VWA8: variants seen among roughly 807,000 people sequenced by gnomAD.
The protein encoded by VWA8 is von Willebrand factor A domain containing 8.
VWA8 carries 221 observed loss-of-function variants against 241.5 expected under a neutral mutation model. The observed-to-expected ratio is 0.91, with a 90% CI of 0.82 to 1.02. VWA8 has a LOEUF of 1.02. VWA8 is among the 50% of genes least tolerant of loss of function. The probability of loss-of-function intolerance (pLI) is 0.00; values close to 1 mark genes in which losing one functional copy is unlikely to be tolerated. For synonymous variants in VWA8, 852 were observed against 827.1 expected, an observed-to-expected ratio of 1.03 and a Z score of -0.52; for missense variants, 2,322 against 2,328.7, an observed-to-expected ratio of 1.00 and a Z score of 0.06.
intron 2 of VWA8, among the ~76,000 whole-genome samples, chr13:41,947,985 T>C (rs1266593338): frequency 8.0e-6 from 1 of 125,676 alleles, no homozygotes; most frequent in Non-Finnish European, 1.7e-5. Flanking sequence ...TTCCTTGAAA[T>C]GTTAAACATA....
intron 29 of VWA8, among the ~76,000 whole-genome samples, chr13:41,698,029 T>C (rs190702709): frequency 1.4e-4 from 21 of 152,276 alleles, no homozygotes; most frequent in Non-Finnish European, 1.9e-4. Context: ...TTCACCTCTC[T>C]AAAATCTTTG....
At chr13:41,929,260 A>G (rs764396805) in intron 2 of VWA8, among the ~76,000 whole-genome samples, 3 of 151,724 alleles carry the variant, frequency 2.0e-5, no homozygotes, top group South Asian at 4.2e-4. Context: ...GGCTTAAGCA[A>G]TCCTCCCACC....
chr13:41,745,586 G>T (rs750144749), intron 21 of VWA8, among the ~76,000 whole-genome samples: 1 of 152,040 alleles, frequency 6.6e-6, no homozygotes, highest in Admixed American at 6.5e-5. Context: ...ACATTTATGC[G>T]GCCAACAGAC....
intron 23 of VWA8, 120 bp downstream of exon 23, chr13:41,729,422 T>G (rs1010502509): frequency 1.8e-5 from 18 of 977,762 alleles, no homozygotes; most frequent in Non-Finnish European, 2.4e-5. Context: ...TACAGGCAAC[T>G]TAAGTCATAT....
chr13:41,580,267 A>G (rs1009560040), intron 42 of VWA8, among the ~76,000 whole-genome samples: 3 of 152,178 alleles, frequency 2.0e-5, no homozygotes, highest in Non-Finnish European at 4.4e-5. Flanking sequence ...AATTGAATCA[A>G]TTCTGAATTC....
intron 37 of VWA8, among the ~76,000 whole-genome samples, chr13:41,647,967 C>T (rs906900593): frequency 1.3e-5 from 2 of 151,474 alleles, no homozygotes; most frequent in Admixed American, 6.6e-5. Flanking sequence ...CTAGCCTGGG[C>T]GAAGGAGCGA....
chr13:41,636,386 G>A (rs946366341), intron 37 of VWA8, among the ~76,000 whole-genome samples: 1 of 152,196 alleles, frequency 6.6e-6, no homozygotes, highest in Non-Finnish European at 1.5e-5. Flanking sequence ...GTAGAAAGCT[G>A]AAACTGGATC....
At chr13:41,733,237 A>G (rs911822352) in intron 21 of VWA8, among the ~76,000 whole-genome samples, 1 of 152,250 alleles carries the variant, frequency 6.6e-6, no homozygotes, top group Non-Finnish European at 1.5e-5. Flanking sequence ...ATAGCACTTG[A>G]CAATAAAATA....
chr13:41,589,266 T>C (rs1019716214), intron 41 of VWA8, among the ~76,000 whole-genome samples: 1 of 152,264 alleles, frequency 6.6e-6, no homozygotes, highest in African/African-American at 2.4e-5. Context: ...AAACTTTACA[T>C]ACTACAATTA....
chr13:41,830,078 T>TA (rs560135903), intron 14 of VWA8, among the ~76,000 whole-genome samples: 3 of 151,730 alleles, frequency 2.0e-5, no homozygotes, highest in Non-Finnish European at 4.4e-5. Context: ...CTGTCTCTAC[T>TA]AAAAAATACA....
At chr13:41,885,547 A>T (rs1775665566) in intron 8 of VWA8, among the ~76,000 whole-genome samples, 1 of 152,228 alleles carries the variant, frequency 6.6e-6, no homozygotes, top group Admixed American at 6.5e-5. Context: ...GACAACCATG[A>T]CACAGAGACT....
intron 2 of VWA8, among the ~76,000 whole-genome samples, chr13:41,946,014 C>A (rs1361975028): frequency 6.6e-6 from 1 of 151,502 alleles, no homozygotes. Flanking sequence ...ATCTTGATAG[C>A]AGAGAAAAAC....
At chr13:41,712,301 C>T (rs2045323836) in intron 26 of VWA8, among the ~76,000 whole-genome samples, 2 of 152,048 alleles carry the variant, frequency 1.3e-5, no homozygotes, top group Non-Finnish European at 2.9e-5. Context: ...CATGGATACC[C>T]CAAATACCCT....
intron 10 of VWA8, among the ~76,000 whole-genome samples, chr13:41,866,360 T>A (rs9532939): frequency 0.33 from 46,369 of 140,928 alleles, 7,437 homozygotes; most frequent in South Asian, 0.37. Context: ...AAAAAAAAAA[T>A]ATATATATAT....
chr13:41,953,046 A>T (rs959157257), intron 1 of VWA8, among the ~76,000 whole-genome samples: 2 of 152,206 alleles, frequency 1.3e-5, no homozygotes, highest in Non-Finnish European at 2.9e-5. Flanking sequence ...GCTGGGAAAT[A>T]AACATGAAGC....
chr13:41,585,313 C>T (rs999849489), intron 42 of VWA8, among the ~76,000 whole-genome samples: 1 of 152,158 alleles, frequency 6.6e-6, no homozygotes, highest in Non-Finnish European at 1.5e-5. Context: ...GGAATGGCAC[C>T]CTGAACACTA....
intron 22 of VWA8, among the ~76,000 whole-genome samples, chr13:41,729,945 A>G (rs1456594674): frequency 6.6e-6 from 1 of 152,032 alleles, no homozygotes; most frequent in Non-Finnish European, 1.5e-5. Context: ...TTTTAGTATT[A>G]AAATTATTCC....
intron 2 of VWA8, among the ~76,000 whole-genome samples, chr13:41,929,051 A>G (rs1217076862): frequency 3.9e-5 from 6 of 152,110 alleles, no homozygotes; most frequent in African/African-American, 1.4e-4. Flanking sequence ...GATAGAAAAA[A>G]CAATCCTAAA....
At chr13:41,615,105 C>A (rs751566206) in intron 37 of VWA8, 21 bp from the exon 38 acceptor site, 1 of 1,611,646 alleles carries the variant, frequency 6.2e-7, no homozygotes, top group Non-Finnish European at 8.5e-7. Flanking sequence ...ACAATTGAGA[C>A]ATTTTTACTA....
Sources: allele counts gnomAD v4.1 joint callset (sites outside exome capture counted in the v4.1 genomes callset), GRCh38; gene constraint gnomAD v4.1.1; transcripts MANE v1.5; gene names NCBI Gene and HGNC (gene_info 2026-07-23, HGNC 2026-07-21).